Variants in AP2B1 observed in about 807,000 individuals in gnomAD.
AP2B1 encodes the protein AP-2 complex subunit beta.
Under a neutral mutation model 102.0 loss-of-function variants are expected in AP2B1, and 23 were observed. That is an observed-to-expected ratio of 0.23 (90% CI 0.16 to 0.32). The LOEUF (loss-of-function observed/expected upper bound fraction) is 0.32. Among genes scored for constraint, AP2B1 ranks in the 10% least tolerant of loss-of-function variants. AP2B1 has a pLI of 1.00. For missense variants in AP2B1, 541 were observed against 1,157.4 expected (o/e 0.47, Z 7.73); for synonymous variants, 381 against 421.2 (o/e 0.90, Z 1.17).
At chr17:35,640,150 T>C (rs1282012108) in intron 11 of AP2B1, among the ~76,000 whole-genome samples, 1 of 151,948 alleles carries the variant, frequency 6.6e-6, no homozygotes, top group African/African-American at 2.4e-5. Flanking sequence ...CTCCTGAACT[T>C]AGGTGATCCA....
intron 5 of AP2B1, among the ~76,000 whole-genome samples, chr17:35,618,677 T>G (rs1441650239): frequency 6.6e-6 from 1 of 152,200 alleles, no homozygotes; most frequent in Non-Finnish European, 1.5e-5. Context: ...GTGTGTGATA[T>G]TCCACTCCCA....
At position 35,642,455 on chromosome 17, in the gene AP2B1, T is replaced by C. The variant is rs115853832; in HGVS notation, c.1536+480T>C. On this transcript the variant is annotated intron_variant, in intron 12 of 21. Transcript: ENST00000610402. The stretch of plus-strand genomic sequence containing the variant: ...TTGGATCTCCTTGGAATTATTTGTT[T>C]TTTTAGGTCAGAAGAAAAGAAGTTT... Among the ~76,000 whole-genome samples the C allele has an allele frequency of 5.8e-3, 878 of 152,318 alleles. 10 individuals carry two copies. The highest frequency in any genetic ancestry group is 0.02 in the African/African-American group (841 of 41,572).
At chr17:35,700,527 G>A (rs1018496232) in intron 18 of AP2B1, among the ~76,000 whole-genome samples, 1 of 152,192 alleles carries the variant, frequency 6.6e-6, no homozygotes, top group Admixed American at 6.5e-5. Context: ...GGCGAGCCCT[G>A]TACTATTTCA....
At chr17:35,604,484 G>A (rs924905417) in intron 3 of AP2B1, among the ~76,000 whole-genome samples, 6 of 151,992 alleles carry the variant, frequency 3.9e-5, no homozygotes, top group Middle Eastern at 3.4e-3. Context: ...TTGCCTGTGC[G>A]TGGTGGCTCA....
At chr17:35,608,477 C>G (rs1342321863) in intron 5 of AP2B1, 90 bp downstream of exon 5, 2 of 1,461,618 alleles carry the variant, frequency 1.4e-6, no homozygotes, top group Non-Finnish European at 1.9e-6. Context: ...CTTTGGAATA[C>G]TGGGTTATGG....
chr17:35,677,479 G>C (rs1422142749), intron 17 of AP2B1, among the ~76,000 whole-genome samples: 4 of 152,108 alleles, frequency 2.6e-5, no homozygotes, highest in Non-Finnish European at 5.9e-5. Flanking sequence ...TTTTAAATAT[G>C]TTGTAAATTA....
At chr17:35,680,203 AG>A (rs2075787899) in intron 17 of AP2B1, among the ~76,000 whole-genome samples, 1 of 151,980 alleles carries the variant, frequency 6.6e-6, no homozygotes, top group African/African-American at 2.4e-5. Context: ...CCACCGCACC[AG>A]CCTGTATAAA....
intron 5 of AP2B1, among the ~76,000 whole-genome samples, chr17:35,616,128 T>C (rs1472240998): frequency 6.6e-6 from 1 of 151,216 alleles, no homozygotes; most frequent in Non-Finnish European, 1.5e-5. Context: ...GAACTTAGGT[T>C]TTAAAAAATA....
chr17:35,705,120 T>C (rs1030813824), intron 18 of AP2B1, among the ~76,000 whole-genome samples: 2 of 152,146 alleles, frequency 1.3e-5, no homozygotes, highest in Admixed American at 6.5e-5. Flanking sequence ...TTTGATGTGG[T>C]TGAAGTTAAG....
intron 18 of AP2B1, among the ~76,000 whole-genome samples, chr17:35,708,205 T>C (rs1361053058): frequency 6.6e-6 from 1 of 152,156 alleles, no homozygotes; most frequent in Non-Finnish European, 1.5e-5. Context: ...GAAACAGGTA[T>C]AGTTACTGAT....
intron 18 of AP2B1, among the ~76,000 whole-genome samples, chr17:35,703,157 A>T (rs942133676): frequency 6.6e-6 from 1 of 151,166 alleles, no homozygotes; most frequent in African/African-American, 2.4e-5. Flanking sequence ...CTGTAGTCCC[A>T]GCTAGGCTGA....
rs1193458839 is a variant in AP2B1 at position 35,719,262 on chromosome 17, G to T, written c.2781+1913G>T. 3.3e-5 allele frequency among the ~76,000 whole-genome samples: 5 copies of T among 151,928 alleles called. No homozygotes were observed. In the East Asian group the frequency reaches 9.6e-4, roughly 29 times the overall value. Reference sequence around the variant, plus strand: ...ACCAGTTTTTACATTACTTTTGGGGGTGGGGGATTGGTAGTGGATAGTACT... The same window carrying T: ...ACCAGTTTTTACATTACTTTTGGGGTTGGGGGATTGGTAGTGGATAGTACT... On this transcript the variant is annotated intron_variant, in intron 21 of 21. Transcript: ENST00000610402.
chr17:35,649,554 G>A (rs8080648), intron 12 of AP2B1, among the ~76,000 whole-genome samples: 3,196 of 152,278 alleles, frequency 0.021, 112 homozygotes, highest in African/African-American at 0.073. Context: ...ACAGGCGTAA[G>A]CCACCGCGCC....
At chr17:35,703,337 C>T (rs934564461) in intron 18 of AP2B1, among the ~76,000 whole-genome samples, 3 of 151,076 alleles carry the variant, frequency 2.0e-5, no homozygotes, top group Non-Finnish European at 4.4e-5. Context: ...GGATATATAC[C>T]CAAAAGAATA....
In AP2B1 at chr17:35,657,950, A is replaced by G. The variant is rs572858700; in HGVS notation, c.1989+159A>G. On this transcript the variant is annotated intron_variant, in intron 14 of 21. Coordinates refer to ENST00000610402, the MANE Select transcript of AP2B1 (RefSeq NM_001030006.2). ...TCTTTGTCTTTAGTAAGACAAAATT[A>G]TAATTAATACTGTTCATCATCGGTA... Among the ~76,000 whole-genome samples, 3 of 152,342 alleles carry G rather than the reference A, an allele frequency of 2.0e-5. No homozygotes were observed. In the East Asian group the frequency reaches 5.8e-4, roughly 29 times the overall value.
chr17:35,610,721 C>G (rs1037423202), intron 5 of AP2B1, among the ~76,000 whole-genome samples: 1 of 151,596 alleles, frequency 6.6e-6, no homozygotes, highest in Non-Finnish European at 1.5e-5. Context: ...TCCTGGCTAA[C>G]GCGGTGAATC....
intron 3 of AP2B1, among the ~76,000 whole-genome samples, chr17:35,604,991 A>G (rs931942150): frequency 4.6e-5 from 7 of 152,094 alleles, no homozygotes; most frequent in Non-Finnish European, 5.9e-5. Context: ...TGACGTGATC[A>G]TGGCTCACTG....
chr17:35,660,937 A>C (rs2075345293), intron 14 of AP2B1, among the ~76,000 whole-genome samples: 1 of 152,206 alleles, frequency 6.6e-6, no homozygotes, highest in African/African-American at 2.4e-5. Context: ...GGAGTGGTAG[A>C]ATTCAACCCA....
chr17:35,714,529 G>A (rs1555588990), intron 20 of AP2B1, among the ~76,000 whole-genome samples: 1 of 152,146 alleles, frequency 6.6e-6, no homozygotes, highest in Admixed American at 6.5e-5. Flanking sequence ...CAAATTTATG[G>A]AAGGATACAA....
Sources: gnomAD v4.1 joint callset for allele counts (sites outside exome capture counted in the v4.1 genomes callset) on GRCh38, gnomAD v4.1.1 for gene constraint, MANE v1.5 for transcripts, NCBI Gene and HGNC (gene_info 2026-07-23, HGNC 2026-07-21) for gene names.